Variants in DNMT3A observed in about 807,000 individuals in gnomAD.
DNMT3A encodes DNA methyltransferase 3 alpha, also known as DNA (cytosine-5)-methyltransferase 3A.
Under a neutral mutation model 117.6 loss-of-function variants are expected in DNMT3A, and 267 were observed. The ratio of observed to expected loss-of-function variants is 2.27; its 90% CI spans 2.05 to 2.51. The LOEUF (loss-of-function observed/expected upper bound fraction) is 2.51. Among genes scored for constraint, DNMT3A ranks in the 30% most tolerant of loss-of-function variants. The pLI is 0.00. For missense variants in DNMT3A, 1,029 were observed against 1,260.2 expected, an observed-to-expected ratio of 0.82 and a Z score of 2.78; for synonymous variants, 432 against 474.8, an observed-to-expected ratio of 0.91 and a Z score of 1.17.
intron 2 of DNMT3A, among the ~76,000 whole-genome samples, chr2:25,310,647 G>A (rs1442778073): frequency 6.6e-6 from 1 of 152,022 alleles, no homozygotes; most frequent in African/African-American, 2.4e-5. Flanking sequence ...TTTTCTTTCC[G>A]TTCTATCCGT....
Position 25,243,986 on chromosome 2 carries a change from AG to A in DNMT3A, c.1852-5del. 1 of 1,554,496 alleles carries A rather than the reference AG, an allele frequency of 6.4e-7. No homozygotes were observed. Among genetic ancestry groups the A allele is most frequent in the Non-Finnish European group, 8.7e-7 (1 of 1,148,660 alleles). On this transcript the variant is annotated splice_polypyrimidine_tract_variant and splice_region_variant and intron_variant, in intron 15 of 22. Coordinates refer to ENST00000321117, the MANE Select transcript of DNMT3A (RefSeq NM_022552.5). ...GTGGGTAAACCTTTGGAGGGTCCTA[AG>A]CAGTGAGCACAACAGGTCAGATGCA...
intron 1 of DNMT3A, among the ~76,000 whole-genome samples, chr2:25,340,281 C>A (rs1487476281): frequency 6.6e-6 from 1 of 152,148 alleles, no homozygotes; most frequent in Non-Finnish European, 1.5e-5. Flanking sequence ...CCGCCCAGGG[C>A]GCCAACACCT....
chr2:25,330,933 G>C (rs998276761), intron 1 of DNMT3A, among the ~76,000 whole-genome samples: 1 of 152,214 alleles, frequency 6.6e-6, no homozygotes, highest in Non-Finnish European at 1.5e-5. Context: ...ATGACGAATG[G>C]ACCTTCCCAG....
rs971339499 is a variant in DNMT3A at position 25,230,633 on chromosome 2, C to T, written c.*3646G>A. Reference sequence around the variant, plus strand: ...CCTTGGAAGGTGACCCAATACCTGTCCCCAGAGGCCCCAGCGTTGAGGTGG... The same window carrying T: ...CCTTGGAAGGTGACCCAATACCTGTTCCCAGAGGCCCCAGCGTTGAGGTGG... On this transcript the variant is annotated 3_prime_UTR_variant, in exon 23 of 23. Coordinates refer to ENST00000321117, the MANE Select transcript of DNMT3A (RefSeq NM_022552.5). 2 of 152,480 alleles carry T rather than the reference C, an allele frequency of 1.3e-5. No homozygotes were observed. Among genetic ancestry groups the T allele is most frequent in the African/African-American group, 4.8e-5 (2 of 41,468 alleles). The allele number at this position is 152,480 out of a possible 1,614,324, so 9.4% of individuals were successfully genotyped here. A position where few individuals can be genotyped will look rare whatever the true frequency, so the allele number is the denominator to read the frequency against.
At chr2:25,288,640 TGGGG>T (rs2032508181) in intron 3 of DNMT3A, among the ~76,000 whole-genome samples, 1 of 152,178 alleles carries the variant, frequency 6.6e-6, no homozygotes, top group South Asian at 2.1e-4. Flanking sequence ...TCTAAAAACC[TGGGG>T]TAAAACATAC....
intron 6 of DNMT3A, among the ~76,000 whole-genome samples, chr2:25,262,019 G>A (rs551532446): frequency 1.7e-4 from 26 of 151,882 alleles, no homozygotes; most frequent in South Asian, 4.2e-4. Flanking sequence ...ACCCCACCCC[G>A]TCTCTACTAA....
rs540782051 is a variant in DNMT3A, at chr2:25,305,478, C to A, written c.73-5235G>T. On this transcript the variant is annotated intron_variant, in intron 2 of 22. Transcript: ENST00000321117. The surrounding 1 kb of genome is among the most constrained non-coding windows in gnomAD (Gnocchi z 4.1). ...GCACTGAACGTGGTAATTAACAAAGCATCTTCACATATGTTATTTCATTGT... is the reference window on the plus strand; with the variant it reads ...GCACTGAACGTGGTAATTAACAAAGAATCTTCACATATGTTATTTCATTGT... Among the ~76,000 whole-genome samples, 4 of 152,312 alleles carry A rather than the reference C, an allele frequency of 2.6e-5. 1 individual carries two copies. The South Asian group carries it at 8.3e-4, about 32-fold the overall frequency.
Position 25,237,023 on chromosome 2 carries a change from G to T in DNMT3A, c.2409-18C>A. 6.2e-7 allele frequency: 1 copy of T among 1,613,044 alleles called. No homozygotes were observed. The highest frequency in any genetic ancestry group is 1.1e-5 in the South Asian group (1 of 90,822). ...CCAACGGCCTAGGAGGCAGAAGAGA[G>T]ACTGTAACAACAGAAACCTGGATAA... On this transcript the variant is annotated intron_variant, in intron 20 of 22. Transcript: ENST00000321117. The surrounding 1 kb of genome is among the most constrained non-coding windows in gnomAD (Gnocchi z 5.4).
intron 3 of DNMT3A, among the ~76,000 whole-genome samples, chr2:25,287,735 G>GC (rs1573431839): frequency 2.8e-5 from 4 of 142,698 alleles, no homozygotes; most frequent in African/African-American, 7.8e-5. Context: ...GGACACCCCC[G>GC]CCCCCAACAG....
chr2:25,253,372 A>G (rs185094190), intron 6 of DNMT3A, among the ~76,000 whole-genome samples: 56 of 152,334 alleles, frequency 3.7e-4, no homozygotes, highest in Admixed American at 2.9e-3. Flanking sequence ...ATGTAAAGGT[A>G]ACTATGCCAC....
In DNMT3A at chr2:25,239,217, T is replaced by G; in HGVS notation, c.2323-2A>C. 6.2e-7 allele frequency: 1 copy of G among 1,613,638 alleles called. No individual in the cohort carries two copies. Among genetic ancestry groups the G allele is most frequent in the Non-Finnish European group, 8.5e-7 (1 of 1,179,708 alleles). ...GGCATCAATCATCACAGGGTTGGAC[T>G]ACAAAACAGGAGACGGTTTGAAGAT... On this transcript the variant is annotated splice_acceptor_variant, in intron 19 of 22. Transcript: ENST00000321117. LOFTEE classifies it high-confidence loss of function.
rs975037010 is a variant in DNMT3A at position 25,298,728 on chromosome 2, T to A, written c.177+1411A>T. 6.6e-6 allele frequency among the ~76,000 whole-genome samples: 1 copy of A among 152,220 alleles called. No individual in the cohort carries two copies. The highest frequency in any genetic ancestry group is 6.5e-5 in the Admixed American group (1 of 15,288). ...CCTCTCTGAAGCCCCGTGTTATTTT[T>A]CAACATCACGTGAATTTTTCATTCC... On this transcript the variant is annotated intron_variant, in intron 3 of 22. Transcript: ENST00000321117. This position sits in a 1 kb window ranked among gnomAD's most constrained non-coding sequence, Gnocchi z 4.3.
intron 1 of DNMT3A, among the ~76,000 whole-genome samples, chr2:25,316,821 C>CT (rs1190092792): frequency 2.0e-5 from 3 of 152,204 alleles, no homozygotes; most frequent in Non-Finnish European, 4.4e-5. Flanking sequence ...ACCCTACCAC[C>CT]ATGAAAAGCA....
In DNMT3A at chr2:25,246,232, GT is replaced by G; in HGVS notation, c.1356del (p.Pro453GlnfsTer198). ...EPEAAAYAPP[P>X]PAKKPRKSTA... ...GTGCTCTTCCGGGGCTTTTTGGCTGGTGGAGGTGGTGCGTAGGCAGCTGCCT... is the reference window on the plus strand; with the variant it reads ...GTGCTCTTCCGGGGCTTTTTGGCTGGGGAGGTGGTGCGTAGGCAGCTGCCT... On this transcript the variant is annotated frameshift_variant, in exon 11 of 23. Coordinates refer to ENST00000321117, the MANE Select transcript of DNMT3A (RefSeq NM_022552.5). LOFTEE classifies it high-confidence loss of function. 1 of 1,614,182 alleles carries G rather than the reference GT, an allele frequency of 6.2e-7. No individual in the cohort carries two copies. Among genetic ancestry groups the G allele is most frequent in the East Asian group, 2.2e-5 (1 of 44,888 alleles).
At chr2:25,271,203 C>G (rs545041618) in intron 6 of DNMT3A, among the ~76,000 whole-genome samples, 1 of 151,978 alleles carries the variant, frequency 6.6e-6, no homozygotes, top group Admixed American at 6.6e-5. Context: ...AAAAGTTAGC[C>G]GGGTGTGTCA....
At chr2:25,324,988 A>G (rs2149441122) in intron 1 of DNMT3A, among the ~76,000 whole-genome samples, 2 of 146,228 alleles carry the variant, frequency 1.4e-5, no homozygotes, top group Admixed American at 1.3e-4. Context: ...AGGCCATGGC[A>G]CCACCAGCAC....
intron 6 of DNMT3A, among the ~76,000 whole-genome samples, chr2:25,253,803 G>A (rs1268277052): frequency 1.3e-5 from 2 of 152,238 alleles, no homozygotes; most frequent in Non-Finnish European, 2.9e-5. Flanking sequence ...GCCGAGCGCG[G>A]TGGCTCACGC....
In DNMT3A at chr2:25,311,953, G is replaced by T. The variant is rs1268327110; in HGVS notation, c.72+1960C>A. Among the ~76,000 whole-genome samples, 1 of 152,090 alleles carries T rather than the reference G, an allele frequency of 6.6e-6. No homozygotes were observed. Among genetic ancestry groups the T allele is most frequent in the Non-Finnish European group, 1.5e-5 (1 of 68,016 alleles). On this transcript the variant is annotated intron_variant, in intron 2 of 22. Transcript: ENST00000321117. This position sits in a 1 kb window ranked among gnomAD's most constrained non-coding sequence, Gnocchi z 5.2. ...TCCCGTCCATTGGTGGTGGCCTGGG[G>T]CTCCGCAGCCCAGAGCAGCAGCAGC...
chr2:25,261,305 G>A (rs1349862223), intron 6 of DNMT3A, among the ~76,000 whole-genome samples: 2 of 152,010 alleles, frequency 1.3e-5, no homozygotes, highest in African/African-American at 2.4e-5. Context: ...CAGGCATGGT[G>A]GCGTGTGCCT....
Sources: allele counts gnomAD v4.1 joint callset (sites outside exome capture counted in the v4.1 genomes callset), GRCh38; gene constraint gnomAD v4.1.1; non-coding constraint Gnocchi (gnomAD v3.1); transcripts MANE v1.5; gene names NCBI Gene and HGNC (gene_info 2026-07-23, HGNC 2026-07-21).